The following TRPC4AP variants were observed in gnomAD, a reference collection of about 807,000 sequenced individuals.
The protein encoded by TRPC4AP is transient receptor potential cation channel subfamily C member 4 associated protein.
A neutral mutation model predicts 99.0 loss-of-function variants in TRPC4AP; 45 were observed. The observed-to-expected ratio is 0.45, with a 90% CI of 0.36 to 0.58. The LOEUF (loss-of-function observed/expected upper bound fraction) is 0.58. TRPC4AP is among the 20% of genes least tolerant of loss of function. The pLI is 0.00. For missense variants in TRPC4AP, 879 were observed against 985.3 expected, an observed-to-expected ratio of 0.89 and a Z score of 1.44; for synonymous variants, 408 against 385.8, an observed-to-expected ratio of 1.06 and a Z score of -0.67.
At chr20:35,078,238 A>T in intron 1 of TRPC4AP, 64 bp from the exon 2 acceptor site, 1 of 1,553,160 alleles carries the variant, frequency 6.4e-7, no homozygotes, top group Non-Finnish European at 8.8e-7. Context: ...GATACGGCAA[A>T]GGAGAGCAGC....
intron 3 of TRPC4AP, among the ~76,000 whole-genome samples, chr20:35,063,778 T>C (rs2084069138): frequency 6.6e-6 from 1 of 152,142 alleles, no homozygotes; most frequent in Non-Finnish European, 1.5e-5. Flanking sequence ...GGAGGATCAC[T>C]AGAGCCCAGG....
intron 6 of TRPC4AP, among the ~76,000 whole-genome samples, chr20:35,047,914 T>TGGGGCACAAGATATGTGCC (rs2083597030): frequency 6.6e-6 from 1 of 152,072 alleles, no homozygotes; most frequent in South Asian, 2.1e-4. Flanking sequence ...CCCTAGGTGC[T>TGGGGCACAAGATATGTGCC]GGGGCACAAG....
intron 3 of TRPC4AP, among the ~76,000 whole-genome samples, chr20:35,067,212 C>T (rs1256808194): frequency 1.3e-5 from 2 of 152,172 alleles, no homozygotes; most frequent in African/African-American, 2.4e-5. Flanking sequence ...AGGGCTGGAG[C>T]GGGGGCTCAT....
intron 6 of TRPC4AP, among the ~76,000 whole-genome samples, chr20:35,049,045 G>A (rs1352571266): frequency 1.3e-5 from 2 of 152,140 alleles, no homozygotes; most frequent in African/African-American, 4.8e-5. Flanking sequence ...CCTCTAGGAG[G>A]CTGCTCAACA....
chr20:35,008,017 C>T (rs2147267007), intron 13 of TRPC4AP, among the ~76,000 whole-genome samples: 1 of 152,300 alleles, frequency 6.6e-6, no homozygotes, highest in East Asian at 1.9e-4. Flanking sequence ...CGAACACATG[C>T]AGACAGGCCA....
intron 9 of TRPC4AP, 98 bp from the exon 10 acceptor site, chr20:35,016,237 A>G: frequency 6.9e-7 from 1 of 1,451,060 alleles, no homozygotes; most frequent in Non-Finnish European, 9.6e-7. Context: ...ATTCAGGACA[A>G]GTATCAGTAC....
chr20:35,084,242 CCGGGCAA>C (rs1421122566), intron 1 of TRPC4AP, among the ~76,000 whole-genome samples: 1 of 151,428 alleles, frequency 6.6e-6, no homozygotes, highest in Non-Finnish European at 1.5e-5. Context: ...TCCACTCCAG[CCGGGCAA>C]CAGTGCGAGA....
chr20:35,009,722 C>T (rs765079104), intron 12 of TRPC4AP, among the ~76,000 whole-genome samples: 50 of 152,232 alleles, frequency 3.3e-4, no homozygotes, highest in Non-Finnish European at 5.0e-4. Flanking sequence ...TGTATTCTGA[C>T]GCCTGTGAGA....
intron 3 of TRPC4AP, among the ~76,000 whole-genome samples, chr20:35,063,790 G>A (rs1386813736): frequency 6.6e-6 from 1 of 152,108 alleles, no homozygotes; most frequent in Non-Finnish European, 1.5e-5. Flanking sequence ...GAGCCCAGGG[G>A]TTCAAGGCTG....
At chr20:35,085,155 T>C (rs896263223) in intron 1 of TRPC4AP, among the ~76,000 whole-genome samples, 2 of 152,182 alleles carry the variant, frequency 1.3e-5, no homozygotes, top group African/African-American at 4.8e-5. Context: ...TGAACAGCAT[T>C]AGGAGTATGG....
chr20:35,053,519 G>C (rs2083751299), intron 5 of TRPC4AP, among the ~76,000 whole-genome samples: 1 of 152,138 alleles, frequency 6.6e-6, no homozygotes, highest in Non-Finnish European at 1.5e-5. Flanking sequence ...TGCAAGAACT[G>C]TGCATTTCCT....
chr20:35,005,823 A>C lies in TRPC4AP; in HGVS notation c.1828-20T>G. The C allele has an allele frequency of 4.0e-5, 64 of 1,610,808 alleles. No individual in the cohort carries two copies. Among genetic ancestry groups the C allele is most frequent in the Non-Finnish European group, 5.1e-5 (60 of 1,177,108 alleles). ...CTGGAACTATACAGAAACCAAGCTC[A>C]CAGCAGGCAGTGGGCTGCTGGCCAG... On this transcript the variant is annotated intron_variant, in intron 15 of 18. Coordinates refer to ENST00000252015, the MANE Select transcript of TRPC4AP (RefSeq NM_015638.3).
intron 12 of TRPC4AP, 33 bp from the exon 13 acceptor site, chr20:35,008,780 T>G (rs2082567343): frequency 6.3e-7 from 1 of 1,597,276 alleles, no homozygotes; most frequent in Admixed American, 1.7e-5. Flanking sequence ...GTGACAGATC[T>G]GAGAGGCTGA....
At chr20:35,050,719 A>AC (rs1555910686) in intron 5 of TRPC4AP, among the ~76,000 whole-genome samples, 1 of 151,918 alleles carries the variant, frequency 6.6e-6, no homozygotes, top group African/African-American at 2.4e-5. Context: ...ACTCAAAAAA[A>AC]AAAACAAAAC....
At chr20:35,057,931 A>T (rs2083880750) in intron 3 of TRPC4AP, among the ~76,000 whole-genome samples, 1 of 152,198 alleles carries the variant, frequency 6.6e-6, no homozygotes, top group Non-Finnish European at 1.5e-5. Context: ...TTTTAAAAGG[A>T]CTCAAAAGAT....
intron 16 of TRPC4AP, among the ~76,000 whole-genome samples, chr20:35,005,047 C>T (rs1451808147): frequency 2.0e-5 from 3 of 152,212 alleles, no homozygotes; most frequent in East Asian, 1.9e-4. Flanking sequence ...CCACTAGTGT[C>T]GGAGCAACTG....
chr20:35,003,652 T>C, intron 17 of TRPC4AP, 36 bp from the exon 18 acceptor site: 1 of 1,594,906 alleles, frequency 6.3e-7, no homozygotes, highest in Non-Finnish European at 8.5e-7. Context: ...CAGGGGCTGG[T>C]GGGAGCCCCA....
intron 7 of TRPC4AP, among the ~76,000 whole-genome samples, chr20:35,043,695 G>A (rs770051176): frequency 2.0e-5 from 3 of 152,000 alleles, no homozygotes; most frequent in African/African-American, 4.8e-5. Flanking sequence ...TATAAATTAG[G>A]TACACTAAGA....
At chr20:35,079,383 G>A (rs536387355) in intron 1 of TRPC4AP, among the ~76,000 whole-genome samples, 10 of 152,166 alleles carry the variant, frequency 6.6e-5, no homozygotes, top group South Asian at 2.1e-4. Context: ...GGGATGCAGC[G>A]AAAGCAGTAA....
Sources: gnomAD v4.1 joint callset for allele counts (sites outside exome capture counted in the v4.1 genomes callset) on GRCh38, gnomAD v4.1.1 for gene constraint, MANE v1.5 for transcripts, NCBI Gene and HGNC (gene_info 2026-07-23, HGNC 2026-07-21) for gene names.